Variants in RBBP6 observed in about 807,000 individuals in gnomAD.
The protein encoded by RBBP6 is E3 ubiquitin-protein ligase RBBP6.
RBBP6 carries 25 observed loss-of-function variants against 167.7 expected under a neutral mutation model. The ratio of observed to expected loss-of-function variants is 0.15; its 90% confidence interval spans 0.11 to 0.21. The LOEUF (loss-of-function observed/expected upper bound fraction) is 0.21, where lower values mean the gene tolerates loss of function less well. Among genes scored for constraint, RBBP6 ranks in the 10% least tolerant of loss-of-function variants. The pLI is 1.00. For missense variants in RBBP6, 1,868 were observed against 2,134.2 expected (o/e 0.88, Z 2.46); for synonymous variants, 789 against 735.8 (o/e 1.07, Z -1.17).
At chr16:24,543,892 C>G (rs531288781) in intron 1 of RBBP6, among the ~76,000 whole-genome samples, 5 of 151,956 alleles carry the variant, frequency 3.3e-5, no homozygotes, top group African/African-American at 1.2e-4. Context: ...TTCATCCATG[C>G]CTTTCATGTC....
rs374996099 is a variant in RBBP6, at chr16:24,570,494, C to T, written c.3804C>T (p.Tyr1268=). 3.1e-5 allele frequency: 49 copies of T among 1,574,806 alleles called. No homozygotes were observed. The highest frequency in any genetic ancestry group is 3.8e-5 in the Non-Finnish European group (45 of 1,168,908). Residue 1268 remains tyrosine (Y), a synonymous_variant, in exon 17 of 18, where the codon TAC becomes TAT. Coordinates refer to ENST00000319715, the MANE Select transcript of RBBP6 (RefSeq NM_006910.5). ...TEGSSSTLVD[Y]TSTSSTGGSP... is the part of the protein sequence containing the mutation. Reference sequence around the variant, plus strand: ...GATCCAGCTCAACTCTGGTGGATTACACCAGGTAGCTGAGTGTAGGGGGTG... The same window carrying T: ...GATCCAGCTCAACTCTGGTGGATTATACCAGGTAGCTGAGTGTAGGGGGTG...
In RBBP6 at chr16:24,563,468, T is replaced by C; in HGVS notation, c.1432T>C (p.Ser478Pro). 1 of 1,613,282 alleles carries C rather than the reference T, an allele frequency of 6.2e-7. No homozygotes were observed. Among genetic ancestry groups the C allele is most frequent in the Non-Finnish European group, 8.5e-7 (1 of 1,179,880 alleles). ...TGGAACCCCATCTTTGCTTGGACAGTCATTATTGCATGGACAGTTGATCCC... is the reference window on the plus strand; with the variant it reads ...TGGAACCCCATCTTTGCTTGGACAGCCATTATTGCATGGACAGTTGATCCC... Reference protein sequence around the residue: ...VLGTPSLLGQSLLHGQLIPTT... With the variant: ...VLGTPSLLGQPLLHGQLIPTT... Residue 478 changes from serine to proline, a missense_variant, in exon 12 of 18, where the codon TCA becomes CCA. Ser to Pro is a moderately conservative substitution (Grantham distance 74, BLOSUM62 -1). Transcript: ENST00000319715.
At chr16:24,566,747 A>G (rs1899203932) in intron 14 of RBBP6, among the ~76,000 whole-genome samples, 1 of 152,230 alleles carries the variant, frequency 6.6e-6, no homozygotes, top group South Asian at 2.1e-4. Context: ...GTCTCAAAAA[A>G]TAAAAAATAA....
chr16:24,563,370 C>CTTTTTTTTTTTTTTTTTTTATTTTT, intron 11 of RBBP6, 53 bp from the exon 12 acceptor site: 1 of 1,308,074 alleles, frequency 7.6e-7, no homozygotes, highest in Non-Finnish European at 1.0e-6. Context: ...GTTCTTACCT[C>CTTTTTTTTTTTTTTTTTTTATTTTT]TTTTTTTTTT....
At chr16:24,555,979 C>G in intron 6 of RBBP6, 62 bp downstream of exon 6, 1 of 1,408,262 alleles carries the variant, frequency 7.1e-7, no homozygotes, top group Admixed American at 1.8e-5. Context: ...TGTTCCTTAG[C>G]TATCTTATTT....
chr16:24,559,403 C>G, intron 7 of RBBP6, 102 bp from the exon 8 acceptor site: 1 of 882,054 alleles, frequency 1.1e-6, no homozygotes, highest in Non-Finnish European at 1.7e-6. Flanking sequence ...ACTAATTTGG[C>G]ATTGCGCTGA....
intron 14 of RBBP6, among the ~76,000 whole-genome samples, chr16:24,566,082 G>A (rs951828572): frequency 5.9e-5 from 9 of 151,988 alleles, no homozygotes; most frequent in Admixed American, 5.9e-4. Flanking sequence ...AAGGAAATTC[G>A]GGATATCTTC....
At chr16:24,546,470 C>T (rs1898652985) in intron 2 of RBBP6, among the ~76,000 whole-genome samples, 1 of 152,010 alleles carries the variant, frequency 6.6e-6, no homozygotes, top group African/African-American at 2.4e-5. Context: ...GTGAGAGGGC[C>T]ATTATTAGGA....
At chr16:24,557,345 A>G (rs1272402753) in intron 7 of RBBP6, among the ~76,000 whole-genome samples, 1 of 152,150 alleles carries the variant, frequency 6.6e-6, no homozygotes, top group African/African-American at 2.4e-5. Context: ...AATGAAATGG[A>G]CAGACATGAA....
At chr16:24,541,941 T>C (rs1463712861) in intron 1 of RBBP6, among the ~76,000 whole-genome samples, 1 of 152,230 alleles carries the variant, frequency 6.6e-6, no homozygotes. Flanking sequence ...AATCTTGTCA[T>C]GTAGAAGACC....
chr16:24,551,991 T>G (rs1227360822), intron 3 of RBBP6, among the ~76,000 whole-genome samples: 1 of 151,750 alleles, frequency 6.6e-6, no homozygotes, highest in Non-Finnish European at 1.5e-5. Context: ...CCACTTGAGA[T>G]TAGTTCTTAA....
intron 1 of RBBP6, among the ~76,000 whole-genome samples, chr16:24,543,152 A>T (rs1398271163): frequency 6.6e-6 from 1 of 152,182 alleles, no homozygotes; most frequent in East Asian, 1.9e-4. Flanking sequence ...ACTAAAGAAA[A>T]CTATGGTAAT....
In RBBP6 at chr16:24,569,821, AAGT is replaced by A. The variant is rs1333718101; in HGVS notation, c.3134_3136del (p.Val1045del). 3 of 1,611,992 alleles carry A rather than the reference AAGT, an allele frequency of 1.9e-6. No homozygotes were observed. The highest frequency in any genetic ancestry group is 1.7e-6 in the Non-Finnish European group (2 of 1,179,542). On this transcript the variant is annotated inframe_deletion, in exon 17 of 18. Transcript: ENST00000319715. Reference sequence around the variant, plus strand: ...AAACCTGCTAAAGGACCCCAAGAAAAAGTAGATGGAGAACGTGAGAGATCTCCT... The same window carrying A: ...AAACCTGCTAAAGGACCCCAAGAAAAAGATGGAGAACGTGAGAGATCTCCT...
At chr16:24,562,286 G>C in intron 10 of RBBP6, 125 bp downstream of exon 10, 1 of 895,434 alleles carries the variant, frequency 1.1e-6, no homozygotes, top group Non-Finnish European at 1.7e-6. Flanking sequence ...GGGATGACTT[G>C]TAAGAAGTGA....
chr16:24,548,447 A>T (rs1180740805), intron 2 of RBBP6, among the ~76,000 whole-genome samples: 1 of 151,968 alleles, frequency 6.6e-6, no homozygotes, highest in African/African-American at 2.4e-5. Context: ...GTTTTGAGAC[A>T]TTTGAAAAAT....
rs745723788 is a variant in RBBP6, at chr16:24,553,530, G to A, written c.321G>A (p.Ala107=). The change falls in exon 4 of 18, where the codon GCG becomes GCA. Residue 107 remains alanine (A), a synonymous_variant. Coordinates refer to ENST00000319715, the MANE Select transcript of RBBP6 (RefSeq NM_006910.5). ...ATTKAIDDSS[A]SISLAQLTKT... is the part of the protein sequence containing the mutation. ...GTGAACAGATTGATGACTCTTCCGC[G>A]TCTATTTCTCTGGCCCAGCTTACAA... 40 of 1,609,258 alleles carry A rather than the reference G, an allele frequency of 2.5e-5. No homozygotes were observed. The highest frequency in any genetic ancestry group is 4.4e-5 in the South Asian group (4 of 90,818).
At chr16:24,556,471 C>A (rs1898913479) in intron 7 of RBBP6, 24 bp downstream of exon 7, 2 of 1,601,242 alleles carry the variant, frequency 1.2e-6, no homozygotes, top group Non-Finnish European at 8.5e-7. Context: ...TTAGGTATGA[C>A]CTGTGGAGAC....
chr16:24,571,360 G>A lies in RBBP6; in HGVS notation c.4294G>A (p.Asp1432Asn). 6.2e-7 allele frequency: 1 copy of A among 1,614,010 alleles called. No individual in the cohort carries two copies. The highest frequency in any genetic ancestry group is 8.5e-7 in the Non-Finnish European group (1 of 1,180,012). The change falls in exon 18 of 18, where the codon GAC (aspartate) becomes AAC (asparagine). Residue 1432 changes from aspartate (D) to asparagine (N), a missense_variant. Physicochemically the swap from Asp to Asn is conservative, Grantham distance 23. Transcript: ENST00000319715. ...STQPEKESNL[D>N]RLNEQGNFKS... ...TCAGCCAGAGAAAGAGAGTAATTTG[G>A]ACCGTCTGAATGAACAAGGAAATTT...
In RBBP6 at chr16:24,572,416, G is replaced by A. The variant is rs2141481226; in HGVS notation, c.5350G>A (p.Asp1784Asn). 2 of 1,526,838 alleles carry A rather than the reference G, an allele frequency of 1.3e-6. No homozygotes were observed. The highest frequency in any genetic ancestry group is 2.5e-5 in the South Asian group (2 of 78,776). 94.6% of individuals were successfully genotyped at this position (1,526,838 alleles called of 1,614,324 possible). Reference protein sequence around the residue: ...KDKEKEKEKDDQKVKSVTV With the variant: ...KDKEKEKEKDNQKVKSVTV ...TAAAGAGAAGGAGAAGGAGAAAGAT[G>A]ACCAAAAAGTGAAATCTGTCACTGT... Residue 1784 changes from aspartate (D) to asparagine (N), a missense_variant, in exon 18 of 18, where the codon GAC becomes AAC. Coordinates refer to ENST00000319715, the MANE Select transcript of RBBP6 (RefSeq NM_006910.5).
Sources: gnomAD v4.1 joint callset for allele counts (sites outside exome capture counted in the v4.1 genomes callset) on GRCh38, gnomAD v4.1.1 for gene constraint, MANE v1.5 for transcripts, NCBI Gene and HGNC (gene_info 2026-07-23, HGNC 2026-07-21) for gene names.